The following KLHL21 variants were observed in gnomAD, a reference collection of about 807,000 sequenced individuals.
The protein encoded by KLHL21 is kelch-like protein 21.
KLHL21 carries 42 observed loss-of-function variants against 44.1 expected under a neutral mutation model. The observed-to-expected ratio is 0.95, with a 90% confidence interval of 0.74 to 1.23. KLHL21 has a LOEUF of 1.23. Ranked by LOEUF, KLHL21 falls within the 50% of genes most tolerant of loss-of-function variation. The probability of loss-of-function intolerance (pLI) is 0.00; values close to 1 mark genes in which losing one functional copy is unlikely to be tolerated. For missense variants in KLHL21, 918 were observed against 889.1 expected (o/e 1.03, Z -0.41); for synonymous variants, 524 against 411.6 (o/e 1.27, Z -3.31).
intron 2 of KLHL21, among the ~76,000 whole-genome samples, chr1:6,597,988 A>AC (rs1167435773): frequency 6.6e-6 from 1 of 152,192 alleles, no homozygotes; most frequent in East Asian, 1.9e-4. Context: ...ACATATGATG[A>AC]CCCGCAGGCT....
rs976273847 is a variant in KLHL21 at position 6,592,209 on chromosome 1, G to A, written c.*1156C>T. 2.0e-5 allele frequency: 3 copies of A among 152,282 alleles called. No individual in the cohort carries two copies. The highest frequency in any genetic ancestry group is 2.9e-5 in the Non-Finnish European group (2 of 68,058). The allele number at this position is 152,282 out of a possible 1,614,324, so 9.4% of individuals were successfully genotyped here. A position where few individuals can be genotyped will look rare whatever the true frequency, so the allele number is the denominator to read the frequency against. On this transcript the variant is annotated 3_prime_UTR_variant, in exon 4 of 4. Transcript: ENST00000377658. ...CTGCTGAGAACATCTCTACGAGTTA[G>A]TTCACTAGAAAAGGCAATAAACATT...
At chr1:6,599,618 T>A in intron 1 of KLHL21, 166 bp from the exon 2 acceptor site, 1 of 706,262 alleles carries the variant, frequency 1.4e-6, no homozygotes, top group Non-Finnish European at 2.3e-6. Flanking sequence ...ATGTTGTGGC[T>A]AAGGCAAAGC....
Position 6,602,119 on chromosome 1 carries a change from G to A in KLHL21, c.699C>T (p.Tyr233=). 1 of 1,443,618 alleles carries A rather than the reference G, an allele frequency of 6.9e-7. No individual in the cohort carries two copies. Among genetic ancestry groups the A allele is most frequent in the Non-Finnish European group, 9.0e-7 (1 of 1,106,034 alleles). 89.4% of individuals were successfully genotyped at this position (1,443,618 alleles called of 1,614,324 possible). The part of the protein sequence containing the change: ...AVRLPFVRRF[Y]LLAHVEAEPL... The stretch of plus-strand genomic sequence containing the variant: ...GCTCGGCCTCGACGTGCGCCAACAG[G>A]TAGAAGCGGCGCACGAAGGGCAGGC... Residue 233 remains tyrosine (Y), a synonymous_variant, in exon 1 of 4, where the codon TAC becomes TAT. Transcript: ENST00000377658.
In KLHL21 at chr1:6,599,469, C is replaced by A; in HGVS notation, c.1022-17G>T. The A allele has an allele frequency of 6.3e-7, 1 of 1,586,584 alleles. No individual in the cohort carries two copies. The highest frequency in any genetic ancestry group is 8.6e-7 in the Non-Finnish European group (1 of 1,164,754). On this transcript the variant is annotated splice_polypyrimidine_tract_variant and intron_variant, in intron 1 of 3. Transcript: ENST00000377658. The stretch of plus-strand genomic sequence containing the variant: ...CGGACCCACCTGCCAGGACGCATGA[C>A]AGGCAGAAGATCAGCCCACTCAGGT...
chr1:6,602,511 C>A lies in KLHL21; in HGVS notation c.307G>T (p.Gly103Cys), dbSNP rs1192007041. ...CGCAGCAGCGGCTCAGCGTTGTCGCCGCTTACCGCCACGCGGCCCGTGTAG... is the reference window on the plus strand; with the variant it reads ...CGCAGCAGCGGCTCAGCGTTGTCGCAGCTTACCGCCACGCGGCCCGTGTAG... ...FSYTGRVAVSGDNAEPLLRAA... is the reference protein window; with the variant it reads ...FSYTGRVAVSCDNAEPLLRAA... Residue 103 changes from glycine to cysteine, a missense_variant, in exon 1 of 4, where the codon GGC becomes TGC. Physicochemically the swap from Gly to Cys is radical, Grantham distance 159. Coordinates refer to ENST00000377658, the MANE Select transcript of KLHL21 (RefSeq NM_014851.4). 4 of 1,544,358 alleles carry A rather than the reference C, an allele frequency of 2.6e-6. No homozygotes were observed. The highest frequency in any genetic ancestry group is 3.5e-6 in the Non-Finnish European group (4 of 1,150,976).
chr1:6,595,596 A>C, intron 2 of KLHL21, 39 bp from the exon 3 acceptor site: 1 of 1,571,246 alleles, frequency 6.4e-7, no homozygotes, highest in Non-Finnish European at 8.7e-7. Context: ...GCTCAGAGCG[A>C]GGAGGAAGTG....
intron 2 of KLHL21, among the ~76,000 whole-genome samples, chr1:6,596,197 G>A (rs570522930): frequency 1.3e-5 from 2 of 152,200 alleles, no homozygotes; most frequent in South Asian, 2.1e-4. Context: ...TCAGGAGTTC[G>A]AGACCAGTCT....
chr1:6,594,971 G>A (rs867865023), intron 3 of KLHL21: 94 of 184,774 alleles, frequency 5.1e-4, no homozygotes, highest in African/African-American at 2.1e-3. Context: ...GCGGTGGGAG[G>A]ACTGCGAGTC....
chr1:6,591,086 G>A lies in KLHL21; in HGVS notation c.*2279C>T, dbSNP rs1640841807. 2 of 398,470 alleles carry A rather than the reference G, an allele frequency of 5.0e-6. No individual in the cohort carries two copies. The highest frequency in any genetic ancestry group is 4.1e-5 in the African/African-American group (2 of 48,648). The allele number at this position is 398,470 out of a possible 1,614,324, so 24.7% of individuals were successfully genotyped here. On this transcript the variant is annotated 3_prime_UTR_variant, in exon 4 of 4. Coordinates refer to ENST00000377658, the MANE Select transcript of KLHL21 (RefSeq NM_014851.4). ...ATCCTTAAGTGGTGGAGACATGACA[G>A]CCCAGAACCCACAGCAGAGGGAAAC...
Position 6,599,417 on chromosome 1 carries a change from A to G in KLHL21, c.1057T>C (p.Trp353Arg). ...SDGSRLYDCV[W>R]RYNSSVNEWA... The stretch of plus-strand genomic sequence containing the variant: ...TCATTCACGCTTGAGTTGTACCTCC[A>G]CACGCAGTCATAGAGCCGGGAGCCA... The change falls in exon 2 of 4, where the codon TGG becomes CGG. Residue 353 changes from tryptophan to arginine, a missense_variant. Trp to Arg is a moderately radical substitution (Grantham distance 101). Coordinates refer to ENST00000377658, the MANE Select transcript of KLHL21 (RefSeq NM_014851.4). 4 of 1,612,590 alleles carry G rather than the reference A, an allele frequency of 2.5e-6. No individual in the cohort carries two copies. The Middle Eastern group carries it at 4.9e-4, about 200-fold the overall frequency.
In KLHL21 at chr1:6,599,120, C is replaced by A. The variant is rs775878562; in HGVS notation, c.1354G>T (p.Asp452Tyr). 2 of 1,613,504 alleles carry A rather than the reference C, an allele frequency of 1.2e-6. No individual in the cohort carries two copies. Among genetic ancestry groups the A allele is most frequent in the Admixed American group, 1.7e-5 (1 of 59,948 alleles). ...DPDTDLWSLV[D>Y]CGQLPPWSFA... Reference sequence around the variant, plus strand: ...GACCAGGGCGGGAGCTGGCCGCAGTCCACCAGCGACCACAGGTCGGTGTCC... The same window carrying A: ...GACCAGGGCGGGAGCTGGCCGCAGTACACCAGCGACCACAGGTCGGTGTCC... The change falls in exon 2 of 4, where the codon GAC becomes TAC. Residue 452 changes from aspartate to tyrosine, a missense_variant. Coordinates refer to ENST00000377658, the MANE Select transcript of KLHL21 (RefSeq NM_014851.4).
Position 6,601,805 on chromosome 1 carries a change from T to G in KLHL21, c.1013A>C (p.Tyr338Ser). ...GCCCCTGGCCCACTCACCCGTCACG[T>G]AGATGTCATTGCCCAGCGCCACGAT... ...YSIVALGNDI[Y>S]VTGGSDGSRL... Residue 338 changes from tyrosine to serine, a missense_variant, in exon 1 of 4, where the codon TAC (tyrosine) becomes TCC (serine). Coordinates refer to ENST00000377658, the MANE Select transcript of KLHL21 (RefSeq NM_014851.4). The G allele has an allele frequency of 6.3e-7, 1 of 1,576,616 alleles. No individual in the cohort carries two copies. The highest frequency in any genetic ancestry group is 8.6e-7 in the Non-Finnish European group (1 of 1,160,068).
In KLHL21 at chr1:6,593,595, TGTC is replaced by T. The variant is rs1361478733; in HGVS notation, c.1561_1563del (p.Asp521del). The T allele has an allele frequency of 6.2e-7, 1 of 1,612,892 alleles. No individual in the cohort carries two copies. The highest frequency in any genetic ancestry group is 1.7e-5 in the Admixed American group (1 of 59,954). On this transcript the variant is annotated inframe_deletion, in exon 4 of 4. Coordinates refer to ENST00000377658, the MANE Select transcript of KLHL21 (RefSeq NM_014851.4). ...ACCACGTCCGAGAGTTCAAATGTAT[TGTC>T]GTATCCCCCAGAGACGTACAGCTTC...
Position 6,593,103 on chromosome 1 carries a change from G to T in KLHL21, c.*262C>A. On this transcript the variant is annotated 3_prime_UTR_variant, in exon 4 of 4. Coordinates refer to ENST00000377658, the MANE Select transcript of KLHL21 (RefSeq NM_014851.4). ...GGGTGAGCTGTGATCCGCGGGGTGG[G>T]GGTGACCTCCAAGACCCAGAAACAT... 2.0e-6 allele frequency: 1 copy of T among 494,916 alleles called. No homozygotes were observed. The highest frequency in any genetic ancestry group is 3.6e-6 in the Non-Finnish European group (1 of 275,836). 30.7% of individuals were successfully genotyped at this position (494,916 alleles called of 1,614,324 possible).
rs753153513 is a variant in KLHL21, at chr1:6,591,729, G to C, written c.*1636C>G. ...TTGCACAGACCAGGAGGGGCCAAGG[G>C]GTAGCCCCAAGGGAGCAGAGGAAGG... On this transcript the variant is annotated 3_prime_UTR_variant, in exon 4 of 4. Transcript: ENST00000377658. The C allele has an allele frequency of 2.6e-5, 4 of 153,070 alleles. No individual in the cohort carries two copies. The highest frequency in any genetic ancestry group is 4.4e-5 in the Non-Finnish European group (3 of 68,716). The allele number at this position is 153,070 out of a possible 1,614,324, so 9.5% of individuals were successfully genotyped here.
chr1:6,601,556 T>C (rs897414587), intron 1 of KLHL21, among the ~76,000 whole-genome samples: 4 of 152,256 alleles, frequency 2.6e-5, no homozygotes, highest in Admixed American at 1.3e-4. Context: ...TGGCTCAGCC[T>C]GGCAGCCCCG....
At chr1:6,599,702 G>T in intron 1 of KLHL21, 2 of 542,852 alleles carry the variant, frequency 3.7e-6, no homozygotes, top group East Asian at 3.1e-5. Flanking sequence ...TGCAATGCTG[G>T]AAGAATCCAG....
intron 3 of KLHL21, chr1:6,595,184 A>T: frequency 1.7e-6 from 1 of 572,550 alleles, no homozygotes. Flanking sequence ...CCCTCTCTGG[A>T]ACAGGTGTCC....
At chr1:6,599,971 C>T (rs545758289) in intron 1 of KLHL21, among the ~76,000 whole-genome samples, 1 of 152,154 alleles carries the variant, frequency 6.6e-6, no homozygotes, top group African/African-American at 2.4e-5. Flanking sequence ...GTGCAGGTTA[C>T]AAAGCTGTGT....
Sources: gnomAD v4.1 joint callset for allele counts (sites outside exome capture counted in the v4.1 genomes callset) on GRCh38, gnomAD v4.1.1 for gene constraint, MANE v1.5 for transcripts, NCBI Gene and HGNC (gene_info 2026-07-23, HGNC 2026-07-21) for gene names.